The following FOCAD variants were observed in gnomAD, a reference collection of about 807,000 sequenced individuals.
The protein encoded by FOCAD is KIAA1797.
In FOCAD, 198 loss-of-function variants were observed where a neutral mutation model predicts 225.6. That is an observed-to-expected ratio of 0.88 (90% CI 0.78 to 0.99). The LOEUF is 0.99. Among genes scored for constraint, FOCAD ranks in the 50% least tolerant of loss-of-function variants. The pLI, the probability that FOCAD is intolerant of heterozygous loss-of-function variation, is 0.00. For missense variants in FOCAD, 2,713 were observed against 2,123.6 expected, an observed-to-expected ratio of 1.28 and a Z score of -5.46; for synonymous variants, 897 against 755.0, an observed-to-expected ratio of 1.19 and a Z score of -3.08.
intron 1 of FOCAD, among the ~76,000 whole-genome samples, chr9:20,687,996 A>G (rs1822764192): frequency 6.6e-6 from 1 of 152,168 alleles, no homozygotes; most frequent in Non-Finnish European, 1.5e-5. Context: ...TGGGCACAAG[A>G]AAGCAGTGAG....
chr9:20,695,126 G>T (rs1295015378), intron 1 of FOCAD, among the ~76,000 whole-genome samples: 1 of 152,132 alleles, frequency 6.6e-6, no homozygotes, highest in Non-Finnish European at 1.5e-5. Flanking sequence ...GAGGTACCTT[G>T]TTCCTGTATC....
At position 20,740,356 on chromosome 9, in the gene FOCAD, G is replaced by GT. The variant is rs57561334; in HGVS notation, c.392+26dup. The stretch of plus-strand genomic sequence containing the variant: ...ATACCATTAGGTAAGCCTTTTTTCT[G>GT]TTTTTTTTTTAAACAAATATGAATT... On this transcript the variant is annotated intron_variant, in intron 5 of 43. Transcript: ENST00000338382. The GT allele has an allele frequency of 0.24, 285,859 of 1,190,264 alleles. 23,665 individuals carry two copies. Among genetic ancestry groups the GT allele is most frequent in the East Asian group, 0.46 (17,778 of 38,272 alleles). The allele number at this position is 1,190,264 out of a possible 1,614,324, so 73.7% of individuals were successfully genotyped here.
intron 41 of FOCAD, among the ~76,000 whole-genome samples, chr9:20,989,594 G>T (rs1257968468): frequency 6.6e-6 from 1 of 152,068 alleles, no homozygotes; most frequent in Admixed American, 6.6e-5. Context: ...TGAAGCAGGA[G>T]GATTTCTTGT....
intron 8 of FOCAD, 123 bp from the exon 9 acceptor site, chr9:20,778,558 A>G: frequency 1.7e-6 from 1 of 580,792 alleles, no homozygotes. Context: ...TTGCTGTATA[A>G]ATAAATTTGT....
chr9:20,695,988 T>G (rs1486255743), intron 1 of FOCAD, among the ~76,000 whole-genome samples: 1 of 152,270 alleles, frequency 6.6e-6, no homozygotes, highest in Non-Finnish European at 1.5e-5. Flanking sequence ...TTAGCTGATA[T>G]GGACAAAAGT....
chr9:20,718,269 C>G (rs1257372223), intron 3 of FOCAD, among the ~76,000 whole-genome samples: 1 of 152,118 alleles, frequency 6.6e-6, no homozygotes, highest in African/African-American at 2.4e-5. Flanking sequence ...CAGCTCAGCC[C>G]CAGCTGTGAG....
chr9:20,667,482 C>T (rs1821929772), intron 2 of FOCAD, among the ~76,000 whole-genome samples: 1 of 152,192 alleles, frequency 6.6e-6, no homozygotes, highest in East Asian at 1.9e-4. Flanking sequence ...CAATAAATGG[C>T]AGATCTCCTT....
At chr9:20,961,508 C>T (rs1246556995) in intron 35 of FOCAD, among the ~76,000 whole-genome samples, 1 of 152,108 alleles carries the variant, frequency 6.6e-6, no homozygotes, top group Non-Finnish European at 1.5e-5. Context: ...CATCTGTGTG[C>T]AAAGCATCTC....
At chr9:20,765,172 C>G (rs1030775917) in intron 7 of FOCAD, 99 bp downstream of exon 7, 2 of 1,029,022 alleles carry the variant, frequency 1.9e-6, no homozygotes, top group Admixed American at 3.0e-5. Flanking sequence ...ATTTGGCAAA[C>G]TCAGACATGA....
intron 35 of FOCAD, among the ~76,000 whole-genome samples, chr9:20,970,165 C>T (rs181296047): frequency 1.6e-4 from 24 of 152,106 alleles, no homozygotes; most frequent in African/African-American, 5.5e-4. Context: ...GGCTACAGTA[C>T]GTCTTAGTGT....
At chr9:20,822,915 G>A in intron 14 of FOCAD, 74 bp from the exon 15 acceptor site, 1 of 1,416,832 alleles carries the variant, frequency 7.1e-7, no homozygotes, top group Non-Finnish European at 9.3e-7. Context: ...GATGCTTTTT[G>A]TTTAGGCAAA....
At chr9:20,663,002 C>A (rs1369699118) in intron 2 of FOCAD, among the ~76,000 whole-genome samples, 2 of 152,148 alleles carry the variant, frequency 1.3e-5, no homozygotes, top group Non-Finnish European at 2.9e-5. Flanking sequence ...TTAACAGTAA[C>A]ACTTATAATG....
intron 35 of FOCAD, among the ~76,000 whole-genome samples, chr9:20,959,905 AC>A (rs538414768): frequency 1.3e-5 from 2 of 152,042 alleles, no homozygotes; most frequent in Admixed American, 6.5e-5. Flanking sequence ...GTATTTTTTT[AC>A]CCTTTTATTT....
chr9:20,947,240 T>A (rs113290779), intron 30 of FOCAD, among the ~76,000 whole-genome samples: 1 of 152,254 alleles, frequency 6.6e-6, no homozygotes, highest in South Asian at 2.1e-4. Context: ...TGACCAAATA[T>A]GTATAAGAAA....
At chr9:20,933,419 C>T (rs575248325) in intron 28 of FOCAD, among the ~76,000 whole-genome samples, 40 of 152,308 alleles carry the variant, frequency 2.6e-4, no homozygotes, top group African/African-American at 9.1e-4. Context: ...CATAGCTTAG[C>T]TCCCACTTAT....
chr9:20,878,248 G>T (rs1437225843), intron 19 of FOCAD, among the ~76,000 whole-genome samples: 3 of 152,192 alleles, frequency 2.0e-5, no homozygotes, highest in Non-Finnish European at 4.4e-5. Flanking sequence ...TATGTGTGAA[G>T]GGGCGGAAGT....
intron 1 of FOCAD, among the ~76,000 whole-genome samples, chr9:20,695,314 A>C (rs1037865996): frequency 1.3e-5 from 2 of 152,206 alleles, no homozygotes; most frequent in African/African-American, 4.8e-5. Flanking sequence ...CAATGGATTC[A>C]AGTGGGATCA....
chr9:20,814,176 A>T (rs563714564), intron 11 of FOCAD, among the ~76,000 whole-genome samples: 1 of 152,040 alleles, frequency 6.6e-6, no homozygotes, highest in Non-Finnish European at 1.5e-5. Context: ...AGTTTAATCC[A>T]TTTACATTGA....
chr9:20,909,850 T>G (rs1833291104), intron 22 of FOCAD, among the ~76,000 whole-genome samples: 1 of 152,120 alleles, frequency 6.6e-6, no homozygotes, highest in African/African-American at 2.4e-5. Context: ...ATCAAGAATT[T>G]CGGTCCTAGA....
Sources: gnomAD v4.1 joint callset for allele counts (sites outside exome capture counted in the v4.1 genomes callset) on GRCh38, gnomAD v4.1.1 for gene constraint, MANE v1.5 for transcripts, NCBI Gene and HGNC (gene_info 2026-07-23, HGNC 2026-07-21) for gene names.